The following LRRC74A variants were observed in gnomAD, a reference collection of about 807,000 sequenced individuals.
LRRC74A encodes the protein leucine rich repeat containing 74A.
LRRC74A carries 44 observed loss-of-function variants against 57.9 expected under a neutral mutation model. The ratio of observed to expected loss-of-function variants is 0.76; its 90% CI spans 0.60 to 0.98. The LOEUF is 0.98. Ranked by LOEUF, LRRC74A falls within the 50% of genes least tolerant of loss-of-function variation. LRRC74A has a pLI of 0.00. For synonymous variants in LRRC74A, 211 were observed against 219.4 expected (o/e 0.96, Z 0.34); for missense variants, 572 against 574.0 (o/e 1.00, Z 0.04).
rs1390148406 is a variant in LRRC74A, at chr14:76,831,318, C to T, written c.282C>T (p.Asn94=). 1 of 1,613,968 alleles carries T rather than the reference C, an allele frequency of 6.2e-7. No homozygotes were observed. Among genetic ancestry groups the T allele is most frequent in the East Asian group, 2.2e-5 (1 of 44,888 alleles). The change falls in exon 3 of 14, where the codon AAC becomes AAT. Residue 94 remains asparagine (N), a synonymous_variant. Coordinates refer to ENST00000689127, the MANE Select transcript of LRRC74A (RefSeq NM_001385106.1). The part of the protein sequence containing the change: ...FIRNMEESYV[N]LNHHGLGPRG... ...GGAACATGGAGGAGTCCTACGTGAA[C>T]CTCAACCACCACGGCCTGGGCCCCA...
rs1191655811 is a variant in LRRC74A, at chr14:76,828,378, A to C, written c.125A>C (p.Lys42Thr). The change falls in exon 2 of 14, where the codon AAA becomes ACA. Residue 42 changes from lysine (K) to threonine (T), a missense_variant. By Grantham distance (78) the Lys-to-Thr change is moderately conservative. Transcript: ENST00000689127. ...TCCCCGCCGACTGTTGAAAAAGTGA[A>C]ACCAGCCCGGGAGAATTCGGAAACA... is the stretch of plus-strand genomic sequence containing the variant. Reference protein sequence around the residue: ...AESPPTVEKVKPARENSETDL... With the variant: ...AESPPTVEKVTPARENSETDL... 14 of 1,613,870 alleles carry C rather than the reference A, an allele frequency of 8.7e-6. No individual in the cohort carries two copies. The highest frequency in any genetic ancestry group is 1.3e-5 in the African/African-American group (1 of 74,920).
At chr14:76,862,541 A>T (rs979147201) in intron 11 of LRRC74A, among the ~76,000 whole-genome samples, 5 of 152,176 alleles carry the variant, frequency 3.3e-5, no homozygotes, top group African/African-American at 7.2e-5. Context: ...TGTCTCAAAA[A>T]AAAAAAAAGT....
chr14:76,848,757 G>A (rs1263054840), intron 7 of LRRC74A, among the ~76,000 whole-genome samples: 1 of 152,192 alleles, frequency 6.6e-6, no homozygotes. Flanking sequence ...ACAGAAGAAG[G>A]AGGAGGTAAT....
chr14:76,853,159 G>A, intron 8 of LRRC74A, 57 bp from the exon 9 acceptor site: 4 of 1,502,752 alleles, frequency 2.7e-6, no homozygotes, highest in Non-Finnish European at 3.7e-6. Flanking sequence ...GGACCCTTTT[G>A]GTTGGATGAG....
At chr14:76,847,361 C>CA (rs906341475) in intron 7 of LRRC74A, among the ~76,000 whole-genome samples, 6 of 151,990 alleles carry the variant, frequency 3.9e-5, no homozygotes, top group Non-Finnish European at 7.4e-5. Context: ...TATGCAGTCA[C>CA]AAAAAAACTG....
At chr14:76,828,008 C>T (rs749807694) in intron 1 of LRRC74A, among the ~76,000 whole-genome samples, 51 of 152,268 alleles carry the variant, frequency 3.3e-4, no homozygotes, top group Admixed American at 7.2e-4. Flanking sequence ...AGCAAGGAGC[C>T]GATCTCCAAG....
At chr14:76,847,092 G>A (rs1897158705) in intron 7 of LRRC74A, among the ~76,000 whole-genome samples, 1 of 152,106 alleles carries the variant, frequency 6.6e-6, no homozygotes. Flanking sequence ...CAAATAGGAG[G>A]GAAACCAGAA....
intron 13 of LRRC74A, among the ~76,000 whole-genome samples, 185 bp downstream of exon 13, chr14:76,867,623 C>T (rs1377177046): frequency 6.6e-6 from 1 of 152,164 alleles, no homozygotes; most frequent in Non-Finnish European, 1.5e-5. Flanking sequence ...ACTTGTTCAG[C>T]GAAACTTGAG....
chr14:76,870,242 G>A lies in LRRC74A; in HGVS notation c.*93G>A, dbSNP rs757298585. ...GAGAGCAAGAGGTGGCTGAAATCTC[G>A]ATGGACAGATGCTGTGGCAGGGGCT... On this transcript the variant is annotated 3_prime_UTR_variant, in exon 14 of 14. Transcript: ENST00000689127. 5.2e-5 allele frequency: 70 copies of A among 1,333,454 alleles called. No homozygotes were observed. Among genetic ancestry groups the A allele is most frequent in the Non-Finnish European group, 6.2e-5 (59 of 947,714 alleles). The allele number at this position is 1,333,454 out of a possible 1,614,324, so 82.6% of individuals were successfully genotyped here. A position where few individuals can be genotyped will look rare whatever the true frequency, so the allele number is the denominator to read the frequency against.
intron 7 of LRRC74A, among the ~76,000 whole-genome samples, chr14:76,851,820 C>T (rs551146875): frequency 1.3e-5 from 2 of 152,066 alleles, no homozygotes; most frequent in African/African-American, 2.4e-5. Context: ...CACGCGCCAC[C>T]GCACCCAGCT....
At chr14:76,841,426 A>AT (rs1487450380) in intron 5 of LRRC74A, among the ~76,000 whole-genome samples, 16 of 152,018 alleles carry the variant, frequency 1.1e-4, no homozygotes, top group Non-Finnish European at 2.4e-4. Context: ...GTAATCTTGA[A>AT]TTTTTTTTCA....
In LRRC74A at chr14:76,870,148, A is replaced by T; in HGVS notation, c.1415A>T (p.Ter472LeuextTer?). Residue 472 changes from the stop codon to leucine (L), a stop_lost, in exon 14 of 14, where the codon TAG (stop) becomes TTG (leucine). Transcript: ENST00000689127. ...AGTTTCTTGAACACGATGAAGCCAT[A>T]GCAACAAGTCTGGTCTAGAAAGAAG... ...NFSFLNTMKP[*>L] is the part of the protein sequence containing the mutation. 6.2e-7 allele frequency: 1 copy of T among 1,611,436 alleles called. No individual in the cohort carries two copies. The highest frequency in any genetic ancestry group is 8.5e-7 in the Non-Finnish European group (1 of 1,178,820).
At chr14:76,844,571 C>T in intron 6 of LRRC74A, 99 bp downstream of exon 6, 1 of 1,247,340 alleles carries the variant, frequency 8.0e-7, no homozygotes, top group East Asian at 2.5e-5. Flanking sequence ...AGGCTACTTT[C>T]ACATGTTAGG....
At chr14:76,866,639 C>T (rs1281666840) in intron 12 of LRRC74A, among the ~76,000 whole-genome samples, 1 of 151,964 alleles carries the variant, frequency 6.6e-6, no homozygotes, top group Non-Finnish European at 1.5e-5. Context: ...GGTGCCCAGG[C>T]CGGGGGTGAA....
At position 76,826,409 on chromosome 14, in the gene LRRC74A, C is replaced by A; in HGVS notation, c.-289C>A. 1 of 997,158 alleles carries A rather than the reference C, an allele frequency of 1.0e-6. No individual in the cohort carries two copies. The highest frequency in any genetic ancestry group is 1.5e-6 in the Non-Finnish European group (1 of 687,758). The allele number at this position is 997,158 out of a possible 1,614,324, so 61.8% of individuals were successfully genotyped here. A position where few individuals can be genotyped will look rare whatever the true frequency, so the allele number is the denominator to read the frequency against. On this transcript the variant is annotated 5_prime_UTR_variant, in exon 1 of 14. Coordinates refer to ENST00000689127, the MANE Select transcript of LRRC74A (RefSeq NM_001385106.1). ...CACAGGCGGGTGGGGATCCTTTCAA[C>A]AGGGCTCCCAGCAATAGAGCAGTCC...
intron 11 of LRRC74A, among the ~76,000 whole-genome samples, chr14:76,861,671 G>A (rs1054873429): frequency 3.9e-5 from 6 of 152,230 alleles, no homozygotes; most frequent in South Asian, 2.1e-4. Context: ...GAATAGTAGC[G>A]CCGAAAGGGA....
At chr14:76,850,322 T>A (rs1249175193) in intron 7 of LRRC74A, among the ~76,000 whole-genome samples, 1 of 152,042 alleles carries the variant, frequency 6.6e-6, no homozygotes, top group Non-Finnish European at 1.5e-5. Flanking sequence ...TAGTAAGTGG[T>A]GAGATCAGAA....
At chr14:76,843,486 G>A (rs1896919084) in intron 5 of LRRC74A, among the ~76,000 whole-genome samples, 1 of 152,158 alleles carries the variant, frequency 6.6e-6, no homozygotes, top group East Asian at 1.9e-4. Context: ...GAACTTGGAT[G>A]AGCATTTTTA....
intron 7 of LRRC74A, among the ~76,000 whole-genome samples, chr14:76,849,077 C>G (rs112226683): frequency 1.3e-5 from 2 of 152,240 alleles, no homozygotes; most frequent in African/African-American, 4.8e-5. Context: ...ATGGAAGCAC[C>G]TTTCCATGTG....
Sources: gnomAD v4.1 joint callset for allele counts (sites outside exome capture counted in the v4.1 genomes callset) on GRCh38, gnomAD v4.1.1 for gene constraint, MANE v1.5 for transcripts, NCBI Gene and HGNC (gene_info 2026-07-23, HGNC 2026-07-21) for gene names.